The following WAPL variants were observed in gnomAD, a reference collection of about 807,000 sequenced individuals.
WAPL encodes the protein WAPL cohesin release factor, also known as wings apart-like protein homolog.
A neutral mutation model predicts 121.0 loss-of-function variants in WAPL; 5 were observed. That is an observed-to-expected ratio of 0.04 (90% CI 0.02 to 0.09). The LOEUF is 0.09. WAPL is among the 10% of genes least tolerant of loss of function. The pLI is 1.00. For missense variants in WAPL, 999 were observed against 1,410.8 expected (o/e 0.71, Z 4.68); for synonymous variants, 480 against 481.5 (o/e 1.00, Z 0.04).
intron 15 of WAPL, among the ~76,000 whole-genome samples, chr10:86,447,205 T>C (rs1849644882): frequency 6.6e-6 from 1 of 152,220 alleles, no homozygotes; most frequent in Non-Finnish European, 1.5e-5. Flanking sequence ...GCTAATGTAA[T>C]GTCTCCCAGT....
At chr10:86,515,068 G>A (rs577263773) in intron 2 of WAPL, among the ~76,000 whole-genome samples, 3 of 151,664 alleles carry the variant, frequency 2.0e-5, no homozygotes, top group Non-Finnish European at 4.4e-5. Context: ...TAGACCAGCC[G>A]GGCCAACATG....
intron 4 of WAPL, among the ~76,000 whole-genome samples, chr10:86,480,662 A>C (rs1334625065): frequency 2.0e-5 from 3 of 152,258 alleles, no homozygotes; most frequent in Non-Finnish European, 4.4e-5. Flanking sequence ...TGATTAGAGA[A>C]TATCCATTCT....
intron 4 of WAPL, chr10:86,488,646 T>C (rs1163319779): frequency 6.6e-6 from 1 of 152,172 alleles, no homozygotes; most frequent in East Asian, 1.9e-4. Context: ...ATCAAACTAA[T>C]GACAGAACTA....
intron 4 of WAPL, among the ~76,000 whole-genome samples, chr10:86,489,885 G>GGA (rs1554830631): frequency 1.5e-4 from 20 of 135,516 alleles, no homozygotes; most frequent in South Asian, 1.2e-3. Context: ...GTTTTGCCTT[G>GGA]AAAAAAAAAA....
At chr10:86,457,423 C>T (rs554925811) in intron 12 of WAPL, among the ~76,000 whole-genome samples, 4 of 151,144 alleles carry the variant, frequency 2.6e-5, no homozygotes, top group Admixed American at 6.6e-5. Flanking sequence ...GAGGCCAAGG[C>T]GGGTGGATCA....
intron 12 of WAPL, among the ~76,000 whole-genome samples, chr10:86,454,783 G>A (rs1431432773): frequency 1.3e-5 from 2 of 151,946 alleles, no homozygotes; most frequent in African/African-American, 4.8e-5. Context: ...CGTCTGGGAA[G>A]TGACGAGCGT....
intron 8 of WAPL, among the ~76,000 whole-genome samples, chr10:86,469,543 C>T (rs1167766078): frequency 1.3e-5 from 2 of 151,808 alleles, no homozygotes; most frequent in Non-Finnish European, 2.9e-5. Flanking sequence ...CATGAGCCAC[C>T]GCACCTGGCC....
intron 2 of WAPL, among the ~76,000 whole-genome samples, chr10:86,511,298 T>C (rs879750599): frequency 6.6e-6 from 1 of 152,074 alleles, no homozygotes; most frequent in Non-Finnish European, 1.5e-5. Context: ...AAATCACATC[T>C]TTAAAATTAA....
intron 1 of WAPL, 115 bp from the exon 2 acceptor site, chr10:86,518,206 G>A: frequency 9.9e-7 from 1 of 1,011,736 alleles, no homozygotes; most frequent in Non-Finnish European, 1.4e-6. Context: ...TCACCACACA[G>A]ACTTTTAAAT....
At chr10:86,509,605 T>TAA (rs1235316519) in intron 2 of WAPL, among the ~76,000 whole-genome samples, 2 of 152,176 alleles carry the variant, frequency 1.3e-5, no homozygotes, top group Admixed American at 6.5e-5. Flanking sequence ...TCATGGACAC[T>TAA]AAAATAATAG....
intron 10 of WAPL, 43 bp downstream of exon 10, chr10:86,461,133 C>A: frequency 6.9e-7 from 1 of 1,440,998 alleles, no homozygotes; most frequent in Non-Finnish European, 9.6e-7. Flanking sequence ...TTTCTTCAGG[C>A]TTTAAATAAT....
Position 86,517,594 on chromosome 10 carries a change from C to G in WAPL, c.476G>C (p.Ser159Thr), listed in dbSNP as rs371496098. The G allele has an allele frequency of 6.2e-7, 1 of 1,610,066 alleles. No homozygotes were observed. Among genetic ancestry groups the G allele is most frequent in the Non-Finnish European group, 8.5e-7 (1 of 1,177,490 alleles). Residue 159 changes from serine (S) to threonine (T), a missense_variant, in exon 2 of 19, where the codon AGC (serine) becomes ACC (threonine). Ser to Thr is a moderately conservative substitution (Grantham distance 58, BLOSUM62 1). This residue lies in a region of WAPL where 531 missense variants were observed against 563.1 expected (regional missense o/e 0.94). Transcript: ENST00000298767. Reference protein sequence around the residue: ...RIVEDDASISSCNKLITSDKV... With the variant: ...RIVEDDASISTCNKLITSDKV... The stretch of plus-strand genomic sequence containing the variant: ...ACCTGAAGTTATTAATTTATTACAG[C>G]TACTTATGCTTGCATCATCTTCTAC...
intron 4 of WAPL, among the ~76,000 whole-genome samples, chr10:86,480,374 G>A (rs183499345): frequency 2.2e-4 from 33 of 152,272 alleles, no homozygotes; most frequent in Admixed American, 2.0e-3. Context: ...AATATCACCA[G>A]GAAATAGCAT....
Position 86,513,339 on chromosome 10 carries a change from T to C in WAPL, c.499+4232A>G, listed in dbSNP as rs1382797669. ...CTTCAAGTGAAACACAATTTATTTA[T>C]TTACTTATTTATTGAGTTGGAGTCT... is the stretch of plus-strand genomic sequence containing the variant. On this transcript the variant is annotated intron_variant, in intron 2 of 18. Transcript: ENST00000298767. 2.6e-5 allele frequency among the ~76,000 whole-genome samples: 4 copies of C among 152,206 alleles called. No individual in the cohort carries two copies. In the East Asian group the frequency reaches 7.7e-4, roughly 29 times the overall value.
intron 16 of WAPL, 169 bp from the exon 17 acceptor site, chr10:86,443,532 G>A: frequency 8.1e-6 from 4 of 491,702 alleles, no homozygotes; most frequent in East Asian, 3.1e-5. Flanking sequence ...AATGAAATAG[G>A]GATCCAAAAG....
chr10:86,456,478 TTTCTAA>T lies in WAPL; in HGVS notation c.2657+2505_2657+2510del, dbSNP rs1229827184. 2.0e-5 allele frequency among the ~76,000 whole-genome samples: 3 copies of T among 151,992 alleles called. No homozygotes were observed. In the East Asian group the frequency reaches 5.8e-4, roughly 29 times the overall value. ...AATATAATCCCTAATGGGTCTAGTA[TTTCTAA>T]AGACACTATTTAAATCACCAAGTCC... On this transcript the variant is annotated intron_variant, in intron 12 of 18. Coordinates refer to ENST00000298767, the MANE Select transcript of WAPL (RefSeq NM_015045.5).
chr10:86,501,472 C>T (rs1310728431), intron 2 of WAPL, among the ~76,000 whole-genome samples: 1 of 152,022 alleles, frequency 6.6e-6, no homozygotes, highest in Non-Finnish European at 1.5e-5. Flanking sequence ...AATATGATTC[C>T]AACTGGTATT....
At chr10:86,516,152 G>A (rs1188055384) in intron 2 of WAPL, among the ~76,000 whole-genome samples, 2 of 152,128 alleles carry the variant, frequency 1.3e-5, no homozygotes, top group African/African-American at 4.8e-5. Flanking sequence ...ACAGGCATGA[G>A]CCACTGCACA....
chr10:86,442,204 A>G (rs997699025), intron 17 of WAPL, among the ~76,000 whole-genome samples: 1 of 152,008 alleles, frequency 6.6e-6, no homozygotes, highest in African/African-American at 2.4e-5. Context: ...GCAAATTTTT[A>G]TATTTTTAGT....
Sources: gnomAD v4.1 joint callset for allele counts (sites outside exome capture counted in the v4.1 genomes callset) on GRCh38, gnomAD v4.1.1 for gene constraint, gnomAD v4.1.1 regional missense constraint, MANE v1.5 for transcripts, NCBI Gene and HGNC (gene_info 2026-07-23, HGNC 2026-07-21) for gene names.